BLMH: variants seen among roughly 807,000 people sequenced by gnomAD.
BLMH encodes bleomycin hydrolase.
In BLMH, 32 loss-of-function variants were observed where a neutral mutation model predicts 61.6. The observed-to-expected ratio is 0.52, with a 90% CI of 0.39 to 0.70. The LOEUF (loss-of-function observed/expected upper bound fraction) is 0.70. Among genes scored for constraint, BLMH ranks in the 30% least tolerant of loss-of-function variants. The probability of loss-of-function intolerance (pLI) is 0.00; values close to 1 mark genes in which losing one functional copy is unlikely to be tolerated. For synonymous variants in BLMH, 183 were observed against 193.8 expected (o/e 0.94, Z 0.46); for missense variants, 460 against 555.5 (o/e 0.83, Z 1.73).
At chr17:30,264,485 C>A (rs1191289090) in intron 11 of BLMH, among the ~76,000 whole-genome samples, 1 of 152,090 alleles carries the variant, frequency 6.6e-6, no homozygotes, top group African/African-American at 2.4e-5. Context: ...AGTAAAGTGA[C>A]CTAAAATTAT....
chr17:30,258,448 G>A (rs1434876224), intron 11 of BLMH, among the ~76,000 whole-genome samples: 1 of 152,142 alleles, frequency 6.6e-6, no homozygotes, highest in East Asian at 1.9e-4. Flanking sequence ...AAGGTTAGAA[G>A]GTACCGTTTC....
chr17:30,255,477 T>G (rs1382499959), intron 11 of BLMH, among the ~76,000 whole-genome samples: 4 of 152,252 alleles, frequency 2.6e-5, no homozygotes, highest in African/African-American at 4.8e-5. Flanking sequence ...CTAATCAATA[T>G]CTGGTATACA....
chr17:30,276,377 A>C (rs1031703753), intron 6 of BLMH, among the ~76,000 whole-genome samples: 1 of 152,216 alleles, frequency 6.6e-6, no homozygotes, highest in African/African-American at 2.4e-5. Flanking sequence ...CTTAGGGCTG[A>C]CTTTAATATG....
At chr17:30,285,309 C>A in intron 6 of BLMH, 79 bp downstream of exon 6, 1 of 987,034 alleles carries the variant, frequency 1.0e-6, no homozygotes, top group Non-Finnish European at 1.5e-6. Flanking sequence ...CTAAAGCTTC[C>A]TAATCATTAC....
chr17:30,282,316 C>T (rs1298310679), intron 6 of BLMH, among the ~76,000 whole-genome samples: 11 of 150,826 alleles, frequency 7.3e-5, no homozygotes, highest in South Asian at 2.1e-4. Flanking sequence ...TGCAGGGTTC[C>T]GGTGATTCTT....
At position 30,271,308 on chromosome 17, in the gene BLMH, A is replaced by C; in HGVS notation, c.1109T>G (p.Met370Arg). 1 of 1,614,168 alleles carries C rather than the reference A, an allele frequency of 6.2e-7. No individual in the cohort carries two copies. Among genetic ancestry groups the C allele is most frequent in the South Asian group, 1.1e-5 (1 of 91,078 alleles). The change falls in exon 10 of 12, where the codon ATG becomes AGG. Residue 370 changes from methionine to arginine, a missense_variant. This residue lies in a region of BLMH where 310 missense variants were observed against 371.1 expected (regional missense o/e 0.84). Transcript: ENST00000261714. ...AGCAGTGAAGGTCATGGCGTGGGTC[A>C]TAAGTGACTCACCAAAAGTCAGCCT... ...AERLTFGESLMTHAMTFTAVS... is the reference protein window; with the variant it reads ...AERLTFGESLRTHAMTFTAVS...
chr17:30,257,642 T>C (rs1259716306), intron 11 of BLMH, among the ~76,000 whole-genome samples: 2 of 152,182 alleles, frequency 1.3e-5, no homozygotes, highest in African/African-American at 2.4e-5. Flanking sequence ...AATACACACA[T>C]ATATACTCCA....
chr17:30,280,014 G>C (rs1567837769), intron 6 of BLMH, among the ~76,000 whole-genome samples: 2 of 152,198 alleles, frequency 1.3e-5, no homozygotes, highest in East Asian at 3.9e-4. Flanking sequence ...CAAGTGAGAG[G>C]AAGAAGGAAA....
intron 6 of BLMH, among the ~76,000 whole-genome samples, chr17:30,277,623 G>C (rs1315491699): frequency 6.6e-6 from 1 of 152,156 alleles, no homozygotes; most frequent in African/African-American, 2.4e-5. Context: ...GCAATGCCAG[G>C]CCCAACTAAG....
chr17:30,274,053 T>A lies in BLMH; in HGVS notation c.790A>T (p.Met264Leu). 1 of 1,614,162 alleles carries A rather than the reference T, an allele frequency of 6.2e-7. No individual in the cohort carries two copies. Among genetic ancestry groups the A allele is most frequent in the Non-Finnish European group, 8.5e-7 (1 of 1,180,014 alleles). Reference sequence around the variant, plus strand: ...TGCCATTCACCAACCTTATCTTCCATATTGAAGAGTGGCTTGACATGTTCC... The same window carrying A: ...TGCCATTCACCAACCTTATCTTCCAAATTGAAGAGTGGCTTGACATGTTCC... ...YREHVKPLFN[M>L]EDKICLVNDP... Residue 264 changes from methionine to leucine, a missense_variant, in exon 7 of 12, where the codon ATG becomes TTG. By Grantham distance (15) the Met-to-Leu change is conservative. Around this residue, in one of 5 missense-constraint regions of BLMH, gnomAD observed 310 missense variants for 371.1 expected, o/e 0.84. Transcript: ENST00000261714.
chr17:30,286,148 T>G (rs937879658), intron 5 of BLMH, among the ~76,000 whole-genome samples: 1 of 152,306 alleles, frequency 6.6e-6, no homozygotes, highest in Middle Eastern at 3.4e-3. Flanking sequence ...AAATGTAATC[T>G]TTCTCCCAGG....
chr17:30,266,934 G>A lies in BLMH; in HGVS notation c.1167C>T (p.Phe389=). 1 of 1,614,104 alleles carries A rather than the reference G, an allele frequency of 6.2e-7. No individual in the cohort carries two copies. The highest frequency in any genetic ancestry group is 1.1e-5 in the South Asian group (1 of 91,078). ...VSEKDDQDGA[F]TKWRVENSWG... The stretch of plus-strand genomic sequence containing the variant: ...ATGAATTCTCCACTCTCCATTTTGT[G>A]AAAGCACCATCCTGATCATCCTGCA... The change falls in exon 11 of 12, where the codon TTC becomes TTT. Residue 389 remains phenylalanine (F), a synonymous_variant. Transcript: ENST00000261714.
intron 11 of BLMH, among the ~76,000 whole-genome samples, chr17:30,257,374 T>C (rs540614220): frequency 1.3e-5 from 2 of 152,140 alleles, no homozygotes; most frequent in Non-Finnish European, 2.9e-5. Flanking sequence ...GAGGACAAGA[T>C]GCAGAGCAGA....
At chr17:30,276,078 CTTAAGGT>C (rs1282928764) in intron 6 of BLMH, among the ~76,000 whole-genome samples, 3 of 151,908 alleles carry the variant, frequency 2.0e-5, no homozygotes, top group Admixed American at 6.6e-5. Context: ...AAGTAATTTA[CTTAAGGT>C]CACACAGCCA....
intron 11 of BLMH, among the ~76,000 whole-genome samples, chr17:30,260,845 T>C (rs939179895): frequency 1.3e-5 from 2 of 152,034 alleles, no homozygotes; most frequent in Non-Finnish European, 2.9e-5. Flanking sequence ...ACCGCACCAC[T>C]GCACTCCAGC....
chr17:30,278,945 G>GT (rs1908501801), intron 6 of BLMH, among the ~76,000 whole-genome samples: 1 of 152,184 alleles, frequency 6.6e-6, no homozygotes, highest in African/African-American at 2.4e-5. Flanking sequence ...GATTATAGGC[G>GT]TAAGCCGCCA....
chr17:30,278,804 T>C (rs1567837501), intron 6 of BLMH, among the ~76,000 whole-genome samples: 1 of 152,070 alleles, frequency 6.6e-6, no homozygotes, highest in East Asian at 1.9e-4. Flanking sequence ...CAAGTAGCAG[T>C]GATTACAGGC....
At chr17:30,262,767 C>G (rs1007823358) in intron 11 of BLMH, among the ~76,000 whole-genome samples, 8 of 152,114 alleles carry the variant, frequency 5.3e-5, no homozygotes, top group Non-Finnish European at 1.0e-4. Context: ...CGCACTCCAG[C>G]CTGGGCAACA....
chr17:30,249,242 A>T, intron 11 of BLMH, 74 bp from the exon 12 acceptor site: 2 of 1,455,474 alleles, frequency 1.4e-6, no homozygotes, highest in Non-Finnish European at 1.9e-6. Flanking sequence ...TTGTAGGATA[A>T]ACCTTTTACA....
Sources: allele counts gnomAD v4.1 joint callset (sites outside exome capture counted in the v4.1 genomes callset), GRCh38; gene constraint gnomAD v4.1.1; regional missense constraint gnomAD v4.1.1; transcripts MANE v1.5; gene names NCBI Gene and HGNC (gene_info 2026-07-23, HGNC 2026-07-21).